Variants in SPSB1 observed in about 807,000 individuals in gnomAD.
The protein encoded by SPSB1 is splA/ryanodine receptor domain and SOCS box containing 1, also known as SPRY domain-containing SOCS box protein 1.
Under a neutral mutation model 21.2 loss-of-function variants are expected in SPSB1, and 8 were observed. The observed-to-expected ratio is 0.38, with a 90% CI of 0.22 to 0.68. SPSB1 has a LOEUF of 0.68. Ranked by LOEUF, SPSB1 falls within the 30% of genes least tolerant of loss-of-function variation. The pLI is 0.53. For missense variants in SPSB1, 242 were observed against 377.8 expected, an observed-to-expected ratio of 0.64 and a Z score of 2.98; for synonymous variants, 169 against 161.7, an observed-to-expected ratio of 1.05 and a Z score of -0.34.
intron 1 of SPSB1, among the ~76,000 whole-genome samples, chr1:9,327,495 C>T (rs952412702): frequency 1.3e-5 from 2 of 152,012 alleles, no homozygotes; most frequent in East Asian, 1.9e-4. Context: ...ATGCACCTTA[C>T]GAGGCAGAGC....
chr1:9,338,182 G>T (rs577684668), intron 1 of SPSB1, among the ~76,000 whole-genome samples: 166 of 152,318 alleles, frequency 1.1e-3, no homozygotes, highest in Middle Eastern at 0.01. Context: ...TTGGCGGTTG[G>T]GGGGTGCCAC....
chr1:9,294,419 G>C (rs1639176523), intron 1 of SPSB1: 1 of 152,314 alleles, frequency 6.6e-6, no homozygotes. Flanking sequence ...CCTAGGTACT[G>C]CTCCTCATGG....
At chr1:9,309,978 G>C (rs1018985428) in intron 1 of SPSB1, among the ~76,000 whole-genome samples, 1 of 152,182 alleles carries the variant, frequency 6.6e-6, no homozygotes, top group East Asian at 1.9e-4. Flanking sequence ...CTTCTTGGGG[G>C]TTTGGCTGTG....
intron 1 of SPSB1, among the ~76,000 whole-genome samples, chr1:9,318,219 A>G (rs1437596759): frequency 6.6e-6 from 1 of 152,194 alleles, no homozygotes; most frequent in East Asian, 1.9e-4. Context: ...ATGCCCCCAG[A>G]TCCTCCACCA....
chr1:9,357,766 G>GA (rs2100516995), intron 2 of SPSB1, among the ~76,000 whole-genome samples: 1 of 152,336 alleles, frequency 6.6e-6, no homozygotes, highest in Non-Finnish European at 1.5e-5. Flanking sequence ...TGTGGGAGGT[G>GA]AAGGCTCCAT....
chr1:9,358,597 C>T (rs974080919), intron 2 of SPSB1, among the ~76,000 whole-genome samples: 1 of 152,214 alleles, frequency 6.6e-6, no homozygotes, highest in Non-Finnish European at 1.5e-5. Context: ...ACCCTCAGCC[C>T]TGCCTCCCTC....
chr1:9,358,722 G>T (rs934310729), intron 2 of SPSB1, among the ~76,000 whole-genome samples: 1 of 152,140 alleles, frequency 6.6e-6, no homozygotes, highest in African/African-American at 2.4e-5. Flanking sequence ...AGACTGTGGG[G>T]CCCCATGAAG....
At chr1:9,353,716 C>T (rs941776074) in intron 1 of SPSB1, among the ~76,000 whole-genome samples, 20 of 151,990 alleles carry the variant, frequency 1.3e-4, no homozygotes, top group African/African-American at 3.1e-4. Context: ...GTCAGGAGTT[C>T]GAGACCAGCC....
In SPSB1 at chr1:9,317,025, C is replaced by G. The variant is rs1193463913; in HGVS notation, c.-150+23954C>G. 6.6e-6 allele frequency among the ~76,000 whole-genome samples: 1 copy of G among 152,204 alleles called. No individual in the cohort carries two copies. Among genetic ancestry groups the G allele is most frequent in the Admixed American group, 6.5e-5 (1 of 15,288 alleles). ...ACCTTCCTGCTTCCAAGTGGAAACA[C>G]ACGGTGGAATTTAGAATCCTTAACC... On this transcript the variant is annotated intron_variant, in intron 1 of 2. Coordinates refer to ENST00000328089, the MANE Select transcript of SPSB1 (RefSeq NM_025106.4). The surrounding 1 kb of genome is among the most constrained non-coding windows in gnomAD (Gnocchi z 4.3).
At chr1:9,307,717 C>T (rs1639443378) in intron 1 of SPSB1, among the ~76,000 whole-genome samples, 3 of 152,234 alleles carry the variant, frequency 2.0e-5, no homozygotes, top group Admixed American at 2.0e-4. Context: ...AGCCACCATC[C>T]TCTTGCAGCC....
intron 1 of SPSB1, among the ~76,000 whole-genome samples, chr1:9,302,978 G>A (rs936419616): frequency 2.5e-4 from 38 of 152,170 alleles, no homozygotes; most frequent in African/African-American, 8.9e-4. Context: ...AGAGAGGAAT[G>A]CTCCTACCAG....
chr1:9,354,809 A>G (rs1269489860), intron 1 of SPSB1, among the ~76,000 whole-genome samples: 1 of 152,066 alleles, frequency 6.6e-6, no homozygotes, highest in Non-Finnish European at 1.5e-5. Context: ...TCAAAAAAAA[A>G]AAGAATTCTT....
intron 2 of SPSB1, among the ~76,000 whole-genome samples, chr1:9,359,357 G>T (rs143671771): frequency 6.6e-6 from 1 of 152,196 alleles, no homozygotes; most frequent in Non-Finnish European, 1.5e-5. Flanking sequence ...GCCTCAACCC[G>T]CTTAACCCGA....
chr1:9,313,761 G>T lies in SPSB1; in HGVS notation c.-150+20690G>T, dbSNP rs368908744. Among the ~76,000 whole-genome samples, 14 of 152,362 alleles carry T rather than the reference G, an allele frequency of 9.2e-5. No homozygotes were observed. The South Asian group carries it at 1.9e-3, about 20-fold the overall frequency. On this transcript the variant is annotated intron_variant, in intron 1 of 2. Transcript: ENST00000328089. Reference sequence around the variant, plus strand: ...AAGGCCTGGCCAGTCCAGCCTGCCCGCTGTGCTTCAGTGGCTGGCCCTCAG... The same window carrying T: ...AAGGCCTGGCCAGTCCAGCCTGCCCTCTGTGCTTCAGTGGCTGGCCCTCAG...
At position 9,367,372 on chromosome 1, in the gene SPSB1, A is replaced by G; in HGVS notation, c.695-76A>G. The G allele has an allele frequency of 6.2e-7, 1 of 1,602,774 alleles. No homozygotes were observed. On this transcript the variant is annotated intron_variant, in intron 2 of 2. Coordinates refer to ENST00000328089, the MANE Select transcript of SPSB1 (RefSeq NM_025106.4). This position sits in a 1 kb window ranked among gnomAD's most constrained non-coding sequence, Gnocchi z 5.9. ...TGAGTGAATACTAATCAGTGATAAT[A>G]TTGCTGCTGTGGTTAGCGCTGTTTG...
intron 1 of SPSB1, among the ~76,000 whole-genome samples, chr1:9,344,538 ATCAGGTGTCCCCTGATAGCC>A: frequency 6.6e-6 from 1 of 152,280 alleles, no homozygotes; most frequent in South Asian, 2.1e-4. Context: ...ATTCCAAGCT[ATCAGGTGTCCCCTGATAGCC>A]TCAGGTGTTG....
chr1:9,316,260 A>G (rs1639611072), intron 1 of SPSB1, among the ~76,000 whole-genome samples: 1 of 151,542 alleles, frequency 6.6e-6, no homozygotes, highest in South Asian at 2.1e-4. Context: ...TGGGAAGGAG[A>G]CCCTCCCTGT....
At chr1:9,337,779 G>A (rs768414773) in intron 1 of SPSB1, among the ~76,000 whole-genome samples, 12 of 152,206 alleles carry the variant, frequency 7.9e-5, no homozygotes, top group Non-Finnish European at 1.2e-4. Flanking sequence ...GCCTCCGTTC[G>A]TTCTCTTGCT....
At chr1:9,342,705 G>A (rs527551297) in intron 1 of SPSB1, among the ~76,000 whole-genome samples, 2 of 152,276 alleles carry the variant, frequency 1.3e-5, no homozygotes, top group East Asian at 1.9e-4. Context: ...GCACACATCC[G>A]AGATGCAGGC....
Sources: gnomAD v4.1 joint callset for allele counts (sites outside exome capture counted in the v4.1 genomes callset) on GRCh38, gnomAD v4.1.1 for gene constraint, Gnocchi (gnomAD v3.1) non-coding constraint, MANE v1.5 for transcripts, NCBI Gene and HGNC (gene_info 2026-07-23, HGNC 2026-07-21) for gene names.